The following MYO18B variants were observed in gnomAD, a reference collection of about 807,000 sequenced individuals.
MYO18B encodes myosin XVIIIB, also known as unconventional myosin-XVIIIb.
In MYO18B, 204 loss-of-function variants were observed where a neutral mutation model predicts 273.0. That is an observed-to-expected ratio of 0.75 (90% CI 0.67 to 0.84). The LOEUF (loss-of-function observed/expected upper bound fraction) is 0.84, where lower values mean the gene tolerates loss of function less well. Ranked by LOEUF, MYO18B falls within the 40% of genes least tolerant of loss-of-function variation. The pLI is 0.00. For missense variants in MYO18B, 3,212 were observed against 3,287.6 expected, an observed-to-expected ratio of 0.98 and a Z score of 0.56; for synonymous variants, 1,330 against 1,305.7, an observed-to-expected ratio of 1.02 and a Z score of -0.40.
rs745998234 is a variant in MYO18B, at chr22:25,990,686, CAAAAAAAAAAAAAAAAA to C, written c.6157-1659_6157-1643del. On this transcript the variant is annotated intron_variant, in intron 39 of 43. Transcript: ENST00000335473. ...TGTGCAACAGAGCAAGACTTTGTCT[CAAAAAAAAAAAAAAAAA>C]AAAAAAAAAAAAAAAAAGAAAAAGA... Among the ~76,000 whole-genome samples, 7 of 27,040 alleles carry C rather than the reference CAAAAAAAAAAAAAAAAA, an allele frequency of 2.6e-4. No individual in the cohort carries two copies. The East Asian group carries it at 7.1e-3, about 27-fold the overall frequency. 17.7% of individuals were successfully genotyped at this position (27,040 alleles called of 152,430 possible).
intron 40 of MYO18B, among the ~76,000 whole-genome samples, chr22:25,992,850 A>G (rs1385006278): frequency 2.0e-5 from 3 of 152,232 alleles, no homozygotes; most frequent in African/African-American, 7.2e-5. Flanking sequence ...TGCAATTGCC[A>G]AGATTGGACT....
chr22:25,843,461 T>TTA (rs999120558), intron 17 of MYO18B, among the ~76,000 whole-genome samples: 2 of 152,138 alleles, frequency 1.3e-5, no homozygotes, highest in African/African-American at 4.8e-5. Flanking sequence ...TGATACGTGG[T>TTA]TATATATATA....
chr22:26,029,110 C>G (rs531088649), intron 43 of MYO18B, among the ~76,000 whole-genome samples: 1 of 152,160 alleles, frequency 6.6e-6, no homozygotes, highest in Non-Finnish European at 1.5e-5. Context: ...CTACATTTAT[C>G]TTTAAAAGTT....
chr22:26,019,343 G>A (rs1372049112), intron 42 of MYO18B, among the ~76,000 whole-genome samples: 2 of 152,204 alleles, frequency 1.3e-5, no homozygotes, highest in African/African-American at 4.8e-5. Flanking sequence ...TTAAATCCAT[G>A]TTCTCCCACT....
chr22:25,829,386 C>T (rs890909998), intron 15 of MYO18B, among the ~76,000 whole-genome samples: 13 of 152,116 alleles, frequency 8.5e-5, no homozygotes, highest in African/African-American at 2.4e-4. Context: ...CAGCACAGCA[C>T]GGTGAGTCTC....
At chr22:26,023,477 C>CCTG (rs1935987858) in intron 42 of MYO18B, among the ~76,000 whole-genome samples, 1 of 21,022 alleles carries the variant, frequency 4.8e-5, no homozygotes, top group African/African-American at 4.6e-4. Flanking sequence ...CTTCCTCCTC[C>CCTG]CTCCTCCTCC....
At chr22:25,818,368 T>A (rs2089130468) in intron 12 of MYO18B, among the ~76,000 whole-genome samples, 1 of 152,206 alleles carries the variant, frequency 6.6e-6, no homozygotes, top group Non-Finnish European at 1.5e-5. Flanking sequence ...CATGGATGGT[T>A]CCTTGAGCAT....
At chr22:25,932,460 G>A (rs912875601) in intron 34 of MYO18B, among the ~76,000 whole-genome samples, 6 of 128,482 alleles carry the variant, frequency 4.7e-5, no homozygotes, top group Admixed American at 4.5e-4. Context: ...CCAGGCTGGA[G>A]TGCAGTGGCA....
At chr22:25,993,130 C>T (rs1387144644) in intron 40 of MYO18B, among the ~76,000 whole-genome samples, 2 of 152,144 alleles carry the variant, frequency 1.3e-5, no homozygotes, top group African/African-American at 2.4e-5. Flanking sequence ...TACTTTTCAC[C>T]ATCTCTGCTT....
chr22:25,795,648 C>T (rs1455372995), intron 11 of MYO18B, among the ~76,000 whole-genome samples: 2 of 152,192 alleles, frequency 1.3e-5, no homozygotes, highest in African/African-American at 4.8e-5. Flanking sequence ...TTTGCTCCAG[C>T]TGCAGTTGCT....
rs1569224947 is a variant in MYO18B at position 25,948,436 on chromosome 22, TTCCTTCCTTCCTTCCTTCCTTCC to T, written c.5748+610_5748+632del. 4.7e-3 allele frequency among the ~76,000 whole-genome samples: 643 copies of T among 136,450 alleles called. 13 individuals are homozygous for T. The highest frequency in any genetic ancestry group is 0.016 in the African/African-American group (533 of 32,498). 89.5% of individuals were successfully genotyped at this position (136,450 alleles called of 152,430 possible). A position where few individuals can be genotyped will look rare whatever the true frequency, so the allele number is the denominator to read the frequency against. ...CTTCCTTCCTTCCTTCCTTCCTTCCTTCCTTCCTTCCTTCCTTCCTTCCTTCTTTCTTTCTTTCTTTCTTTCTT... is the reference window on the plus strand; with the variant it reads ...CTTCCTTCCTTCCTTCCTTCCTTCCTTTCTTTCTTTCTTTCTTTCTTTCTT... On this transcript the variant is annotated intron_variant, in intron 36 of 43. Coordinates refer to ENST00000335473, the MANE Select transcript of MYO18B (RefSeq NM_032608.7).
In MYO18B at chr22:25,786,414, A is replaced by G. The variant is rs1476368640; in HGVS notation, c.2376+923A>G. Among the ~76,000 whole-genome samples the G allele has an allele frequency of 2.6e-5, 4 of 152,096 alleles. No individual in the cohort carries two copies. The East Asian group carries it at 5.8e-4, about 22-fold the overall frequency. ...GTTCACCAGATGGAGGGAAGTAGAT[A>G]ATTTCCACTCCAAAGCCTCTTTTCA... On this transcript the variant is annotated intron_variant, in intron 11 of 43. Transcript: ENST00000335473.
chr22:25,771,524 A>T (rs953692883), intron 6 of MYO18B, among the ~76,000 whole-genome samples: 4 of 152,160 alleles, frequency 2.6e-5, no homozygotes, highest in Admixed American at 2.0e-4. Context: ...CAGTGTAGTG[A>T]TAGAAAAGAA....
At chr22:25,869,492 AGGAG>A (rs1212401539) in intron 22 of MYO18B, among the ~76,000 whole-genome samples, 1 of 144,942 alleles carries the variant, frequency 6.9e-6, no homozygotes, top group African/African-American at 2.6e-5. Flanking sequence ...GAAGGAAGGA[AGGAG>A]GGAGGGAGGG....
chr22:25,928,936 C>A (rs532322687), intron 34 of MYO18B, among the ~76,000 whole-genome samples: 2 of 151,944 alleles, frequency 1.3e-5, no homozygotes, highest in African/African-American at 4.8e-5. Context: ...CCAAGGCGGG[C>A]GGGTCACCTG....
intron 21 of MYO18B, among the ~76,000 whole-genome samples, chr22:25,862,092 G>A (rs766089947): frequency 6.6e-6 from 1 of 152,096 alleles, no homozygotes; most frequent in Non-Finnish European, 1.5e-5. Flanking sequence ...TATCTGTATG[G>A]CATTTTACAT....
rs570169718 is a variant in MYO18B at position 26,003,605 on chromosome 22, G to T, written c.6332+296G>T. On this transcript the variant is annotated intron_variant, in intron 41 of 43. Coordinates refer to ENST00000335473, the MANE Select transcript of MYO18B (RefSeq NM_032608.7). ...CTGATGTTTGTATTCTGCACATTCA[G>T]ACCCTTGCCTTCCCCTCCAACTGTG... is the stretch of plus-strand genomic sequence containing the variant. Among the ~76,000 whole-genome samples the T allele has an allele frequency of 3.9e-5, 6 of 152,282 alleles. No homozygotes were observed. The East Asian group carries it at 1.2e-3, about 29-fold the overall frequency.
intron 39 of MYO18B, among the ~76,000 whole-genome samples, chr22:25,967,418 G>A (rs191808346): frequency 5.9e-4 from 90 of 152,202 alleles, no homozygotes; most frequent in Non-Finnish European, 1.1e-3. Flanking sequence ...GAAATCCAGG[G>A]GGCCCCAAAT....
chr22:26,062,977 G>T, the MYO18B span, among the ~76,000 whole-genome samples: 1 of 152,150 alleles, frequency 6.6e-6, no homozygotes, highest in Non-Finnish European at 1.5e-5. Flanking sequence ...CTGGATCTTG[G>T]TTTTGTGTGA....
Sources: allele counts gnomAD v4.1 joint callset (sites outside exome capture counted in the v4.1 genomes callset), GRCh38; gene constraint gnomAD v4.1.1; transcripts MANE v1.5; gene names NCBI Gene and HGNC (gene_info 2026-07-23, HGNC 2026-07-21).